OSBPL6: variants seen among roughly 807,000 people sequenced by gnomAD.
OSBPL6 encodes the protein oxysterol binding protein like 6.
Under a neutral mutation model 125.8 loss-of-function variants are expected in OSBPL6, and 49 were observed. The ratio of observed to expected loss-of-function variants is 0.39; its 90% CI spans 0.31 to 0.49. The LOEUF is 0.49. Among genes scored for constraint, OSBPL6 ranks in the 20% least tolerant of loss-of-function variants. OSBPL6 has a pLI of 0.88. For missense variants in OSBPL6, 986 were observed against 1,135.4 expected (o/e 0.87, Z 1.89); for synonymous variants, 394 against 391.8 (o/e 1.01, Z -0.07).
chr2:178,347,970 C>G (rs1164072345), intron 11 of OSBPL6, among the ~76,000 whole-genome samples: 1 of 152,164 alleles, frequency 6.6e-6, no homozygotes, highest in Non-Finnish European at 1.5e-5. Flanking sequence ...TAAATCCCTG[C>G]CAGGACAATG....
intron 24 of OSBPL6, 89 bp downstream of exon 24, chr2:178,394,524 G>A: frequency 1.4e-6 from 2 of 1,426,860 alleles, no homozygotes; most frequent in East Asian, 2.4e-5. Flanking sequence ...AAATAAAATG[G>A]GTAAATGGAT....
At chr2:178,392,318 G>C in intron 22 of OSBPL6, 94 bp from the exon 23 acceptor site, 1 of 1,351,500 alleles carries the variant, frequency 7.4e-7, no homozygotes, top group Non-Finnish European at 1.0e-6. Flanking sequence ...TACAAATTTG[G>C]TGTTAGTGTA....
At chr2:178,200,864 C>T (rs2089213670) in intron 1 of OSBPL6, among the ~76,000 whole-genome samples, 1 of 151,726 alleles carries the variant, frequency 6.6e-6, no homozygotes, top group East Asian at 1.9e-4. Flanking sequence ...GGCGCGATCT[C>T]GGCTCAGTGC....
At position 178,361,735 on chromosome 2, in the gene OSBPL6, C is replaced by A. The variant is rs1402806991; in HGVS notation, c.1207C>A (p.Leu403Met). ...FNSIAIEKEK[L>M]KQMVSEQDHS... ...TAGCATAGCTATAGAGAAGGAGAAG[C>A]TGAAGCAGATGGTTTCCGAGCAGGA... Residue 403 changes from leucine (L) to methionine (M), a missense_variant, in exon 13 of 25, where the codon CTG (leucine) becomes ATG (methionine). Physicochemically the swap from Leu to Met is conservative, Grantham distance 15. Around this residue, in one of 3 missense-constraint regions of OSBPL6, gnomAD observed 843 missense variants for 997.3 expected, o/e 0.85. Transcript: ENST00000190611. 1 of 1,614,134 alleles carries A rather than the reference C, an allele frequency of 6.2e-7. No homozygotes were observed. Among genetic ancestry groups the A allele is most frequent in the Non-Finnish European group, 8.5e-7 (1 of 1,180,020 alleles).
chr2:178,267,126 G>T (rs1412815797), intron 1 of OSBPL6, among the ~76,000 whole-genome samples: 1 of 152,162 alleles, frequency 6.6e-6, no homozygotes, highest in East Asian at 1.9e-4. Flanking sequence ...GGCCAAGGCA[G>T]GTGGGTCACC....
At position 178,389,123 on chromosome 2, in the gene OSBPL6, T is replaced by C. The variant is rs1695188696; in HGVS notation, c.2271T>C (p.Ser757=). ...GEVTIRNTKS[S]VCICKLTFVK... is the part of the protein sequence containing the mutation. ...TAACCATCAGAAATACCAAAAGCAGTGTTTGCATTTGCAAACTCACATTTG... is the reference window on the plus strand; with the variant it reads ...TAACCATCAGAAATACCAAAAGCAGCGTTTGCATTTGCAAACTCACATTTG... Residue 757 remains serine, a synonymous_variant, in exon 21 of 25, where the codon AGT becomes AGC. Transcript: ENST00000190611. 1.9e-6 allele frequency: 3 copies of C among 1,613,878 alleles called. No individual in the cohort carries two copies. Among genetic ancestry groups the C allele is most frequent in the African/African-American group, 1.3e-5 (1 of 75,072 alleles).
chr2:178,391,272 G>A, intron 22 of OSBPL6, 55 bp downstream of exon 22: 1 of 1,496,214 alleles, frequency 6.7e-7, no homozygotes, highest in Non-Finnish European at 8.9e-7. Context: ...CAACAGAAGG[G>A]AAGAGAACAT....
intron 1 of OSBPL6, among the ~76,000 whole-genome samples, chr2:178,229,841 G>T (rs2090740950): frequency 6.6e-6 from 1 of 152,028 alleles, no homozygotes; most frequent in South Asian, 2.1e-4. Flanking sequence ...CAAAGAAAAG[G>T]AAAGAAAAAG....
chr2:178,228,011 A>G (rs1449268799), intron 1 of OSBPL6, among the ~76,000 whole-genome samples: 1 of 152,158 alleles, frequency 6.6e-6, no homozygotes, highest in African/African-American at 2.4e-5. Flanking sequence ...ATTATGTGCA[A>G]TTGAGGTAGA....
At chr2:178,296,034 T>A (rs1420174505) in intron 2 of OSBPL6, among the ~76,000 whole-genome samples, 1 of 152,214 alleles carries the variant, frequency 6.6e-6, no homozygotes, top group East Asian at 1.9e-4. Context: ...TGATTCTGTG[T>A]CTGATACTGT....
intron 1 of OSBPL6, among the ~76,000 whole-genome samples, chr2:178,209,592 G>A (rs1450386835): frequency 6.6e-6 from 1 of 151,836 alleles, no homozygotes; most frequent in Admixed American, 6.6e-5. Context: ...GTTTTGATCT[G>A]TGTTTCATGT....
chr2:178,332,169 G>C (rs34481271), intron 6 of OSBPL6, among the ~76,000 whole-genome samples: 3 of 152,170 alleles, frequency 2.0e-5, no homozygotes, highest in African/African-American at 4.8e-5. Context: ...CATTGAATCA[G>C]CCATGTCCTT....
At chr2:178,258,163 C>T (rs1247405140) in intron 1 of OSBPL6, among the ~76,000 whole-genome samples, 8 of 151,500 alleles carry the variant, frequency 5.3e-5, no homozygotes, top group Non-Finnish European at 7.4e-5. Flanking sequence ...TGCAGTGGCG[C>T]GATCTTGGCT....
chr2:178,284,548 G>A (rs1684520581), intron 1 of OSBPL6, among the ~76,000 whole-genome samples: 1 of 152,170 alleles, frequency 6.6e-6, no homozygotes, highest in African/African-American at 2.4e-5. Flanking sequence ...GCGAGACTCT[G>A]TCTCAAAACA....
chr2:178,257,222 A>G (rs1204355073), intron 1 of OSBPL6, among the ~76,000 whole-genome samples: 1 of 152,124 alleles, frequency 6.6e-6, no homozygotes, highest in African/African-American at 2.4e-5. Context: ...AACTATAAAC[A>G]TGAATTATCC....
At chr2:178,392,151 A>C (rs1229427308) in intron 22 of OSBPL6, among the ~76,000 whole-genome samples, 1 of 152,252 alleles carries the variant, frequency 6.6e-6, no homozygotes, top group Non-Finnish European at 1.5e-5. Flanking sequence ...GGAGTAGTTT[A>C]GCTAATGAAG....
chr2:178,201,268 T>A (rs868736607), intron 1 of OSBPL6, among the ~76,000 whole-genome samples: 4 of 152,230 alleles, frequency 2.6e-5, no homozygotes, highest in African/African-American at 9.6e-5. Flanking sequence ...CTGATTTTCA[T>A]AGAAGCAACT....
At chr2:178,303,000 C>T (rs1686437170) in intron 2 of OSBPL6, among the ~76,000 whole-genome samples, 1 of 152,158 alleles carries the variant, frequency 6.6e-6, no homozygotes, top group South Asian at 2.1e-4. Flanking sequence ...CATCTGGGAC[C>T]AGAAAACTAA....
intron 1 of OSBPL6, among the ~76,000 whole-genome samples, chr2:178,227,855 G>A (rs545080907): frequency 1.8e-4 from 28 of 152,316 alleles, no homozygotes; most frequent in African/African-American, 5.8e-4. Context: ...GGGGAGGCAG[G>A]AAGATGAGAT....
Sources: allele counts gnomAD v4.1 joint callset (sites outside exome capture counted in the v4.1 genomes callset), GRCh38; gene constraint gnomAD v4.1.1; regional missense constraint gnomAD v4.1.1; transcripts MANE v1.5; gene names NCBI Gene and HGNC (gene_info 2026-07-23, HGNC 2026-07-21).